ATP9B: variants seen among roughly 807,000 people sequenced by gnomAD.
ATP9B encodes the protein ATPase phospholipid transporting 9B, also known as probable phospholipid-transporting ATPase IIB.
Under a neutral mutation model 146.1 loss-of-function variants are expected in ATP9B, and 110 were observed. That is an observed-to-expected ratio of 0.75 (90% CI 0.65 to 0.88). The LOEUF is 0.88. Ranked by LOEUF, ATP9B falls within the 40% of genes least tolerant of loss-of-function variation. The probability of loss-of-function intolerance (pLI) is 0.00; values close to 1 mark genes in which losing one functional copy is unlikely to be tolerated. For missense variants in ATP9B, 1,499 were observed against 1,496.4 expected (o/e 1.00, Z -0.03); for synonymous variants, 604 against 569.7 (o/e 1.06, Z -0.86).
At chr18:79,353,574 C>T (rs1390689218) in intron 25 of ATP9B, 1 of 152,240 alleles carries the variant, frequency 6.6e-6, no homozygotes, top group Non-Finnish European at 1.5e-5. Context: ...AGAGCGGAGA[C>T]CACCCAGAGA....
intron 7 of ATP9B, among the ~76,000 whole-genome samples, chr18:79,168,036 A>C (rs75560563): frequency 1.3e-5 from 2 of 152,068 alleles, no homozygotes; most frequent in African/African-American, 4.8e-5. Context: ...ATACCTGCCA[A>C]CTCGGAAGGG....
intron 13 of ATP9B, among the ~76,000 whole-genome samples, chr18:79,295,613 G>A (rs544932444): frequency 6.6e-6 from 1 of 152,234 alleles, no homozygotes; most frequent in Non-Finnish European, 1.5e-5. Context: ...ACAATGCAGT[G>A]ATATTCCCTG....
At chr18:79,322,072 C>T (rs1039750780) in intron 15 of ATP9B, among the ~76,000 whole-genome samples, 3 of 152,156 alleles carry the variant, frequency 2.0e-5, no homozygotes, top group Non-Finnish European at 2.9e-5. Flanking sequence ...CCCTCCCCTT[C>T]GATGGGTGGT....
At chr18:79,143,587 C>T (rs1158385249) in intron 5 of ATP9B, among the ~76,000 whole-genome samples, 1 of 152,120 alleles carries the variant, frequency 6.6e-6, no homozygotes, top group Non-Finnish European at 1.5e-5. Flanking sequence ...AAGAAATTCT[C>T]CCTCTGTTTT....
intron 4 of ATP9B, among the ~76,000 whole-genome samples, chr18:79,116,940 T>TAAAAAAAAA (rs377608135): frequency 2.8e-5 from 3 of 106,800 alleles, no homozygotes; most frequent in African/African-American, 7.1e-5. Flanking sequence ...AAAAAAAAAT[T>TAAAAAAAAA]AAAAAAAAAA....
At chr18:79,161,769 C>A (rs982165827) in intron 7 of ATP9B, among the ~76,000 whole-genome samples, 2 of 152,124 alleles carry the variant, frequency 1.3e-5, no homozygotes, top group African/African-American at 2.4e-5. Context: ...TGGCGTGAAC[C>A]CGGGAGGCGG....
At chr18:79,214,060 C>G (rs760981209) in intron 11 of ATP9B, 22 bp downstream of exon 11, 1 of 1,542,966 alleles carries the variant, frequency 6.5e-7, no homozygotes, top group Non-Finnish European at 8.8e-7. Context: ...TGAGGAGCAA[C>G]TGCTTTAATG....
chr18:79,193,960 T>G (rs1273906017), intron 9 of ATP9B, among the ~76,000 whole-genome samples: 1 of 152,200 alleles, frequency 6.6e-6, no homozygotes, highest in Non-Finnish European at 1.5e-5. Context: ...TTTACAGAGC[T>G]TATATAATGT....
At chr18:79,290,860 A>C (rs1196080723) in intron 13 of ATP9B, among the ~76,000 whole-genome samples, 1 of 152,244 alleles carries the variant, frequency 6.6e-6, no homozygotes, top group Non-Finnish European at 1.5e-5. Context: ...TCTTCACAAG[A>C]AAGTTTATTG....
chr18:79,114,173 TG>T (rs2094022544), intron 4 of ATP9B, among the ~76,000 whole-genome samples: 1 of 152,154 alleles, frequency 6.6e-6, no homozygotes. Flanking sequence ...TTGGCTAGGC[TG>T]GTCTCGAACT....
intron 15 of ATP9B, among the ~76,000 whole-genome samples, chr18:79,323,499 C>G (rs2096727519): frequency 2.0e-5 from 3 of 152,212 alleles, no homozygotes; most frequent in Admixed American, 6.5e-5. Flanking sequence ...ATTCTACTCT[C>G]TGTCTCCAGG....
chr18:79,248,304 T>TA (rs34244148), intron 11 of ATP9B, among the ~76,000 whole-genome samples: 51,587 of 152,058 alleles, frequency 0.34, 9,292 homozygotes, highest in African/African-American at 0.46. Flanking sequence ...ATTTAGTACT[T>TA]AGATTTAGTG....
intron 1 of ATP9B, among the ~76,000 whole-genome samples, chr18:79,089,300 T>C (rs2074115464): frequency 1.3e-5 from 2 of 152,344 alleles, no homozygotes; most frequent in South Asian, 4.1e-4. Flanking sequence ...ACAAAAATTA[T>C]TCCAGGTTTA....
intron 14 of ATP9B, among the ~76,000 whole-genome samples, chr18:79,306,621 A>G (rs919344753): frequency 6.6e-6 from 1 of 152,236 alleles, no homozygotes. Context: ...AGTTGTGAGT[A>G]TACCATTTCA....
chr18:79,327,512 A>G (rs113749392), intron 15 of ATP9B, among the ~76,000 whole-genome samples: 164 of 75,714 alleles, frequency 2.2e-3, no homozygotes, highest in African/African-American at 5.1e-3. Flanking sequence ...TGCTCTCTCC[A>G]TGGTTAGCGT....
intron 23 of ATP9B, among the ~76,000 whole-genome samples, chr18:79,347,322 G>C (rs1160208085): frequency 6.6e-6 from 1 of 152,258 alleles, no homozygotes; most frequent in Non-Finnish European, 1.5e-5. Context: ...CGTTGTGAAA[G>C]AGGGGATAGA....
chr18:79,124,430 C>T (rs1439894256), intron 4 of ATP9B, among the ~76,000 whole-genome samples: 1 of 152,256 alleles, frequency 6.6e-6, no homozygotes, highest in Admixed American at 6.5e-5. Context: ...CAGCTGGTGT[C>T]TTCAGTGGAA....
chr18:79,230,370 T>A (rs1037438969), intron 11 of ATP9B, among the ~76,000 whole-genome samples: 1 of 152,170 alleles, frequency 6.6e-6, no homozygotes, highest in African/African-American at 2.4e-5. Flanking sequence ...CAGCAAAGTT[T>A]CAGGATACAA....
intron 2 of ATP9B, among the ~76,000 whole-genome samples, chr18:79,109,640 A>G (rs1489884763): frequency 3.4e-5 from 5 of 148,000 alleles, no homozygotes; most frequent in African/African-American, 1.3e-4. Context: ...GTCTTGGCTC[A>G]CTGCAATCTC....
Sources: gnomAD v4.1 joint callset for allele counts (sites outside exome capture counted in the v4.1 genomes callset) on GRCh38, gnomAD v4.1.1 for gene constraint, MANE v1.5 for transcripts, NCBI Gene and HGNC (gene_info 2026-07-23, HGNC 2026-07-21) for gene names.